The following ST6GAL1 variants were observed in gnomAD, a reference collection of about 807,000 sequenced individuals.
The protein encoded by ST6GAL1 is beta-galactoside alpha-2,6-sialyltransferase 1.
Under a neutral mutation model 38.0 loss-of-function variants are expected in ST6GAL1, and 20 were observed. The ratio of observed to expected loss-of-function variants is 0.53; its 90% CI spans 0.37 to 0.77. The LOEUF (loss-of-function observed/expected upper bound fraction) is 0.77, where lower values mean the gene tolerates loss of function less well. ST6GAL1 is among the 30% of genes least tolerant of loss of function. The probability of loss-of-function intolerance (pLI) is 0.00; values close to 1 mark genes in which losing one functional copy is unlikely to be tolerated. For synonymous variants in ST6GAL1, 196 were observed against 188.2 expected (o/e 1.04, Z -0.34); for missense variants, 432 against 496.4 (o/e 0.87, Z 1.23).
chr3:186,994,990 C>T (rs1341661826), intron 2 of ST6GAL1, among the ~76,000 whole-genome samples: 1 of 151,802 alleles, frequency 6.6e-6, no homozygotes, highest in Non-Finnish European at 1.5e-5. Context: ...CTACAAGATA[C>T]TATTATCACA....
At chr3:186,960,712 T>G (rs1679907880) in intron 1 of ST6GAL1, among the ~76,000 whole-genome samples, 1 of 152,042 alleles carries the variant, frequency 6.6e-6, no homozygotes, top group South Asian at 2.1e-4. Context: ...CAACTACACT[T>G]TAGCAATCTA....
chr3:186,997,642 G>A lies in ST6GAL1; in HGVS notation c.-183+33716G>A, dbSNP rs1039727828. 2.6e-5 allele frequency among the ~76,000 whole-genome samples: 4 copies of A among 151,794 alleles called. 1 individual carries two copies. In the South Asian group the frequency reaches 6.2e-4, roughly 24 times the overall value. On this transcript the variant is annotated intron_variant, in intron 2 of 7. Transcript: ENST00000169298. The stretch of plus-strand genomic sequence containing the variant: ...TGTGGTAGCACACACCAGTAGTCAC[G>A]GCTACTCAGGAGGCTGAGGCGAGAG...
intron 1 of ST6GAL1, chr3:186,942,207 C>T (rs997782326): frequency 3.3e-5 from 5 of 152,148 alleles, no homozygotes; most frequent in Middle Eastern, 3.2e-3. Context: ...GTAGTTTTCA[C>T]CTGCTCTGAA....
chr3:187,049,189 C>T (rs1240080373), intron 4 of ST6GAL1, among the ~76,000 whole-genome samples: 1 of 152,178 alleles, frequency 6.6e-6, no homozygotes, highest in East Asian at 1.9e-4. Context: ...CTGCGCCCAG[C>T]TGAGAAATTA....
intron 2 of ST6GAL1, among the ~76,000 whole-genome samples, chr3:186,983,261 T>A (rs538880312): frequency 1.3e-5 from 2 of 152,222 alleles, no homozygotes; most frequent in Non-Finnish European, 2.9e-5. Context: ...TACTTGGCAG[T>A]TGAAATGCTT....
intron 2 of ST6GAL1, among the ~76,000 whole-genome samples, chr3:187,005,046 T>G (rs1338253674): frequency 6.7e-6 from 1 of 149,710 alleles, no homozygotes; most frequent in Non-Finnish European, 1.5e-5. Context: ...AGAAGTACAT[T>G]TTATGGTATT....
At chr3:187,041,373 C>T (rs960529470) in intron 3 of ST6GAL1, among the ~76,000 whole-genome samples, 22 of 152,032 alleles carry the variant, frequency 1.4e-4, no homozygotes, top group African/African-American at 3.4e-4. Flanking sequence ...AGCAAAACCC[C>T]GGAGGTGATT....
intron 2 of ST6GAL1, among the ~76,000 whole-genome samples, chr3:187,019,263 G>A (rs1717215734): frequency 6.6e-6 from 1 of 152,158 alleles, no homozygotes; most frequent in South Asian, 2.1e-4. Flanking sequence ...GAAATGTTGG[G>A]ATGAGGAGAT....
At chr3:186,945,093 C>T (rs1225847896) in intron 1 of ST6GAL1, among the ~76,000 whole-genome samples, 1 of 152,012 alleles carries the variant, frequency 6.6e-6, no homozygotes, top group African/African-American at 2.4e-5. Flanking sequence ...CAGAAGCCTG[C>T]GGATCGCTTG....
intron 1 of ST6GAL1, among the ~76,000 whole-genome samples, chr3:186,941,248 G>A (rs1422095031): frequency 6.6e-6 from 1 of 152,204 alleles, no homozygotes; most frequent in Non-Finnish European, 1.5e-5. Flanking sequence ...TTAAGTGGTA[G>A]GGAGGGAGGA....
chr3:187,062,858 G>A (rs1006164123), intron 5 of ST6GAL1, among the ~76,000 whole-genome samples: 1 of 152,154 alleles, frequency 6.6e-6, no homozygotes, highest in African/African-American at 2.4e-5. Context: ...GTCAGTAGGG[G>A]AGACAGTCAC....
chr3:186,995,586 G>C (rs145508454), intron 2 of ST6GAL1, among the ~76,000 whole-genome samples: 1 of 151,556 alleles, frequency 6.6e-6, no homozygotes, highest in Non-Finnish European at 1.5e-5. Flanking sequence ...GCTCACTCCT[G>C]TAATCCTAGC....
In ST6GAL1 at chr3:187,078,096, G is replaced by A. The variant is rs1719623461; in HGVS notation, c.*2293G>A. ...AATCATGACACTGAGTGCAGAGGAG[G>A]TGGCATTCCGACAGCAGGACATACA... On this transcript the variant is annotated 3_prime_UTR_variant, in exon 8 of 8. Coordinates refer to ENST00000169298, the MANE Select transcript of ST6GAL1 (RefSeq NM_173216.2). The A allele has an allele frequency of 6.6e-6, 1 of 152,634 alleles. No homozygotes were observed. The highest frequency in any genetic ancestry group is 2.4e-5 in the African/African-American group (1 of 41,446). 9.5% of individuals were successfully genotyped at this position (152,634 alleles called of 1,614,324 possible). A position where few individuals can be genotyped will look rare whatever the true frequency, so the allele number is the denominator to read the frequency against.
chr3:186,992,242 G>A (rs2108546280), intron 2 of ST6GAL1, among the ~76,000 whole-genome samples: 1 of 152,242 alleles, frequency 6.6e-6, no homozygotes, highest in Admixed American at 6.5e-5. Context: ...CTGTTCTCAT[G>A]ATAGTGAGTG....
intron 5 of ST6GAL1, among the ~76,000 whole-genome samples, chr3:187,053,243 T>C (rs149599040): frequency 7.2e-5 from 11 of 152,374 alleles, no homozygotes; most frequent in Non-Finnish European, 1.6e-4. Flanking sequence ...TCCCATTCTT[T>C]AGGTTGGCTG....
chr3:186,983,599 T>A (rs888316619), intron 2 of ST6GAL1, among the ~76,000 whole-genome samples: 8 of 151,878 alleles, frequency 5.3e-5, no homozygotes, highest in African/African-American at 1.9e-4. Flanking sequence ...CTTAGCAAGG[T>A]AGTAAGAGGT....
chr3:187,020,397 T>C (rs546654571), intron 2 of ST6GAL1, among the ~76,000 whole-genome samples: 1 of 152,350 alleles, frequency 6.6e-6, no homozygotes, highest in Admixed American at 6.5e-5. Flanking sequence ...AATTTCTTTA[T>C]TTAAAAAAGA....
chr3:186,982,953 A>C (rs1009051296), intron 2 of ST6GAL1, among the ~76,000 whole-genome samples: 2 of 151,874 alleles, frequency 1.3e-5, no homozygotes, highest in East Asian at 3.9e-4. Flanking sequence ...AAGTGCTGGG[A>C]TTACAGGCAT....
At chr3:187,009,971 C>G (rs1362182359) in intron 2 of ST6GAL1, among the ~76,000 whole-genome samples, 2 of 152,164 alleles carry the variant, frequency 1.3e-5, no homozygotes, top group Non-Finnish European at 2.9e-5. Context: ...CGCCACTGCA[C>G]TCCAGCCTGG....
Sources: gnomAD v4.1 joint callset for allele counts (sites outside exome capture counted in the v4.1 genomes callset) on GRCh38, gnomAD v4.1.1 for gene constraint, MANE v1.5 for transcripts, NCBI Gene and HGNC (gene_info 2026-07-23, HGNC 2026-07-21) for gene names.